Variants in TBCD observed in about 807,000 individuals in gnomAD.
TBCD encodes tubulin-specific chaperone D.
In TBCD, 105 loss-of-function variants were observed where a neutral mutation model predicts 169.3. That is an observed-to-expected ratio of 0.62 (90% CI 0.53 to 0.73). The LOEUF (loss-of-function observed/expected upper bound fraction) is 0.73, where lower values mean the gene tolerates loss of function less well. Among genes scored for constraint, TBCD ranks in the 30% least tolerant of loss-of-function variants. The pLI, the probability that TBCD is intolerant of heterozygous loss-of-function variation, is 0.00. For synonymous variants in TBCD, 700 were observed against 643.9 expected (o/e 1.09, Z -1.32); for missense variants, 1,444 against 1,600.1 (o/e 0.90, Z 1.66).
At chr17:82,851,029 C>T (rs948272787) in intron 13 of TBCD, among the ~76,000 whole-genome samples, 4 of 152,124 alleles carry the variant, frequency 2.6e-5, no homozygotes, top group Admixed American at 1.3e-4. Context: ...TGTAGCTAGC[C>T]GTTGGAGAAT....
intron 13 of TBCD, among the ~76,000 whole-genome samples, chr17:82,819,974 CT>C (rs375685441): frequency 0.021 from 2,972 of 142,756 alleles, 37 homozygotes; most frequent in East Asian, 0.037. Context: ...TTAAGTTTAC[CT>C]TTTTTTTTTT....
intron 26 of TBCD, among the ~76,000 whole-genome samples, chr17:82,924,277 C>G (rs1229017700): frequency 6.6e-6 from 1 of 152,172 alleles, no homozygotes; most frequent in Non-Finnish European, 1.5e-5. Context: ...TTTTTGTATG[C>G]ACCGTGACAT....
chr17:82,940,241 ACAC>A (rs1474295147), intron 37 of TBCD, among the ~76,000 whole-genome samples: 1 of 151,056 alleles, frequency 6.6e-6, no homozygotes, highest in Non-Finnish European at 1.5e-5. Context: ...ACACACACAC[ACAC>A]ACTTCTAAAA....
At position 82,945,314 on chromosome 17, in the gene TBCD, GTC is replaced by G. The variant is rs1269073698; in HGVS notation, c.*2854_*2855del. ...AATGTCTAACCTTTGGGTAATTGGGGTCTCAGAATGAAATGAAATGATGCAGA... is the reference window on the plus strand; with the variant it reads ...AATGTCTAACCTTTGGGTAATTGGGGTCAGAATGAAATGAAATGATGCAGA... On this transcript the variant is annotated 3_prime_UTR_variant, in exon 39 of 39. Transcript: ENST00000355528. The G allele has an allele frequency of 2.0e-5, 3 of 152,200 alleles. No individual in the cohort carries two copies. The South Asian group carries it at 6.2e-4, about 31-fold the overall frequency. The allele number at this position is 152,200 out of a possible 1,614,324, so 9.4% of individuals were successfully genotyped here.
chr17:82,775,964 C>T (rs2048572174), intron 6 of TBCD, among the ~76,000 whole-genome samples: 1 of 152,152 alleles, frequency 6.6e-6, no homozygotes, highest in African/African-American at 2.4e-5. Flanking sequence ...TGCCTGTAAT[C>T]CCAGCACTTT....
At chr17:82,814,682 T>C (rs1447358333) in intron 12 of TBCD, among the ~76,000 whole-genome samples, 158 bp from the exon 13 acceptor site, 1 of 152,178 alleles carries the variant, frequency 6.6e-6, no homozygotes, top group African/African-American at 2.4e-5. Flanking sequence ...TGCCCAGCCT[T>C]GATACTTTAA....
intron 7 of TBCD, among the ~76,000 whole-genome samples, chr17:82,784,012 C>G (rs1429034527): frequency 6.6e-6 from 1 of 151,938 alleles, no homozygotes; most frequent in African/African-American, 2.4e-5. Context: ...GTAATCCCAG[C>G]TACTCCGGAG....
At chr17:82,846,656 G>A (rs1459248780) in intron 13 of TBCD, among the ~76,000 whole-genome samples, 14 of 152,204 alleles carry the variant, frequency 9.2e-5, no homozygotes, top group East Asian at 7.7e-4. Context: ...TCTGGAAGCC[G>A]CCAGCCAGGC....
At chr17:82,801,286 T>C (rs1477763481) in intron 9 of TBCD, among the ~76,000 whole-genome samples, 8 of 152,312 alleles carry the variant, frequency 5.3e-5, no homozygotes, top group African/African-American at 1.9e-4. Flanking sequence ...GCAGAGAAGA[T>C]GTGTTAGTAA....
chr17:82,899,530 A>G (rs1049943474), intron 17 of TBCD, among the ~76,000 whole-genome samples: 3 of 152,238 alleles, frequency 2.0e-5, no homozygotes, highest in African/African-American at 7.2e-5. Flanking sequence ...CTGTGGCTAT[A>G]CAATTTTTCT....
chr17:82,925,553 C>T (rs577891852), intron 27 of TBCD, among the ~76,000 whole-genome samples: 22 of 152,226 alleles, frequency 1.4e-4, no homozygotes, highest in East Asian at 7.8e-4. Context: ...GTCTCCCCTC[C>T]GGCCACCTGG....
Position 82,903,344 on chromosome 17 carries a change from A to T in TBCD, c.1731-61A>T. 6.8e-7 allele frequency: 1 copy of T among 1,477,000 alleles called. No individual in the cohort carries two copies. 91.5% of individuals were successfully genotyped at this position (1,477,000 alleles called of 1,614,324 possible). ...TTGTCTCCCTCACTTTCTTTTTATGAATTGAATAAAGCTAGAATCATAAAA... is the reference window on the plus strand; with the variant it reads ...TTGTCTCCCTCACTTTCTTTTTATGTATTGAATAAAGCTAGAATCATAAAA... On this transcript the variant is annotated intron_variant, in intron 18 of 38. Coordinates refer to ENST00000355528, the MANE Select transcript of TBCD (RefSeq NM_005993.5). The surrounding 1 kb of genome is among the most constrained non-coding windows in gnomAD (Gnocchi z 4.8).
intron 17 of TBCD, among the ~76,000 whole-genome samples, chr17:82,894,681 A>G (rs1348004210): frequency 6.6e-6 from 1 of 152,142 alleles, no homozygotes; most frequent in Non-Finnish European, 1.5e-5. Context: ...ACTTGGCCAT[A>G]TATTTTATGT....
At position 82,930,237 on chromosome 17, in the gene TBCD, A is replaced by T. The variant is rs2062087220; in HGVS notation, c.2992-285A>T. ...CGCTTCAGTGGGAAACGTGAGCGAA[A>T]CCCAAGGTGAGTGGCCGCAGCCTTT... On this transcript the variant is annotated intron_variant, in intron 32 of 38. Coordinates refer to ENST00000355528, the MANE Select transcript of TBCD (RefSeq NM_005993.5). The surrounding 1 kb of genome is among the most constrained non-coding windows in gnomAD (Gnocchi z 5.2). 1 of 445,254 alleles carries T rather than the reference A, an allele frequency of 2.2e-6. No homozygotes were observed. Among genetic ancestry groups the T allele is most frequent in the South Asian group, 3.2e-5 (1 of 31,078 alleles). 27.6% of individuals were successfully genotyped at this position (445,254 alleles called of 1,614,324 possible).
chr17:82,797,654 TAAA>T, intron 7 of TBCD, 100 bp from the exon 8 acceptor site: 3 of 894,712 alleles, frequency 3.4e-6, no homozygotes, highest in Non-Finnish European at 5.1e-6. Flanking sequence ...GTGTTTAGAA[TAAA>T]AATTCTGAAA....
intron 33 of TBCD, chr17:82,932,237 G>A (rs545907446): frequency 1.6e-4 from 47 of 285,066 alleles, no homozygotes; most frequent in Admixed American, 1.5e-4. Context: ...GACCTGGGAC[G>A]CGTCTTGAGT....
At chr17:82,764,135 AATGTT>A in intron 3 of TBCD, 73 bp downstream of exon 3, 1 of 1,175,944 alleles carries the variant, frequency 8.5e-7, no homozygotes, top group South Asian at 1.4e-5. Flanking sequence ...TACCCTCCAA[AATGTT>A]ATTTCTCAAG....
chr17:82,770,052 C>T (rs564718643), intron 5 of TBCD, among the ~76,000 whole-genome samples: 2 of 152,202 alleles, frequency 1.3e-5, no homozygotes, highest in East Asian at 3.9e-4. Flanking sequence ...TTACTTTGCT[C>T]ATAAATGGTG....
chr17:82,843,867 C>G lies in TBCD; in HGVS notation c.1319-26357C>G, dbSNP rs545029759. On this transcript the variant is annotated intron_variant, in intron 13 of 38. Transcript: ENST00000355528. ...GCAGTGCCACCCTTCCCCACCCAGA[C>G]CGTGGCAACTGCAGGCTGATACTTT... Among the ~76,000 whole-genome samples, 3 of 152,324 alleles carry G rather than the reference C, an allele frequency of 2.0e-5. No individual in the cohort carries two copies. The South Asian group carries it at 6.2e-4, about 32-fold the overall frequency.
Sources: gnomAD v4.1 joint callset for allele counts (sites outside exome capture counted in the v4.1 genomes callset) on GRCh38, gnomAD v4.1.1 for gene constraint, Gnocchi (gnomAD v3.1) non-coding constraint, MANE v1.5 for transcripts, NCBI Gene and HGNC (gene_info 2026-07-23, HGNC 2026-07-21) for gene names.